The following DNAH7 variants were observed in gnomAD, a reference collection of about 807,000 sequenced individuals.
The protein encoded by DNAH7 is dynein axonemal heavy chain 7.
Under a neutral mutation model 444.6 loss-of-function variants are expected in DNAH7, and 397 were observed. The ratio of observed to expected loss-of-function variants is 0.89; its 90% CI spans 0.82 to 0.97. The LOEUF is 0.97. DNAH7 is among the 50% of genes least tolerant of loss of function. DNAH7 has a pLI of 0.00. For missense variants in DNAH7, 4,902 were observed against 4,800.8 expected (o/e 1.02, Z -0.62); for synonymous variants, 1,636 against 1,624.4 (o/e 1.01, Z -0.17).
intron 54 of DNAH7, among the ~76,000 whole-genome samples, chr2:195,803,446 G>A (rs766402715): frequency 3.9e-5 from 6 of 152,330 alleles, no homozygotes; most frequent in Non-Finnish European, 7.3e-5. Context: ...TCTTAATGTC[G>A]AAGCTGAACA....
At chr2:196,016,871 AAAG>A in intron 9 of DNAH7, among the ~76,000 whole-genome samples, 1 of 152,386 alleles carries the variant, frequency 6.6e-6, no homozygotes, top group Admixed American at 6.5e-5. Context: ...ATTCTGCTGT[AAAG>A]AAGAAATGAG....
Position 195,857,656 on chromosome 2 carries a change from C to T in DNAH7, c.8135G>A (p.Cys2712Tyr), listed in dbSNP as rs1699788065. Residue 2712 changes from cysteine to tyrosine, a missense_variant, in exon 44 of 65, where the codon TGC (cysteine) becomes TAC (tyrosine). By Grantham distance (194) the Cys-to-Tyr change is radical. Coordinates refer to ENST00000312428, the MANE Select transcript of DNAH7 (RefSeq NM_018897.3). ...AGVKLVMEAI[C>Y]ILKGIKADKI... ...GTCAGCTTTGATTCCTTTCAAGATG[C>T]ATATAGCTTCCATAACAAGCTTGAC... is the stretch of plus-strand genomic sequence containing the variant. The T allele has an allele frequency of 6.2e-7, 1 of 1,613,572 alleles. No homozygotes were observed. Among genetic ancestry groups the T allele is most frequent in the African/African-American group, 1.3e-5 (1 of 74,902 alleles).
intron 15 of DNAH7, among the ~76,000 whole-genome samples, chr2:195,980,304 C>T (rs1022542988): frequency 2.6e-5 from 4 of 152,076 alleles, no homozygotes; most frequent in African/African-American, 9.7e-5. Context: ...TCATTCTTTG[C>T]CTTCCTGCTG....
intron 8 of DNAH7, among the ~76,000 whole-genome samples, chr2:196,023,984 G>A (rs1033127559): frequency 1.3e-5 from 2 of 152,196 alleles, no homozygotes; most frequent in Middle Eastern, 3.4e-3. Context: ...TATTGACATC[G>A]TTTGCCATTT....
intron 48 of DNAH7, among the ~76,000 whole-genome samples, chr2:195,828,925 T>C (rs1426559581): frequency 6.6e-6 from 1 of 152,162 alleles, no homozygotes; most frequent in South Asian, 2.1e-4. Flanking sequence ...CTCTTTTGAA[T>C]GTTTTGTGGC....
chr2:195,868,873 G>T (rs924185662), intron 40 of DNAH7, among the ~76,000 whole-genome samples: 2 of 148,820 alleles, frequency 1.3e-5, no homozygotes, highest in African/African-American at 5.0e-5. Flanking sequence ...ATTATATAAG[G>T]TTATCTAGTA....
At chr2:196,066,535 CT>C (rs1698439002) in intron 1 of DNAH7, among the ~76,000 whole-genome samples, 1 of 152,154 alleles carries the variant, frequency 6.6e-6, no homozygotes, top group Non-Finnish European at 1.5e-5. Context: ...GCTTCCTGGT[CT>C]TCGGATATTT....
chr2:195,861,536 T>A (rs569549086), intron 42 of DNAH7, among the ~76,000 whole-genome samples, 181 bp downstream of exon 42: 6 of 152,212 alleles, frequency 3.9e-5, no homozygotes, highest in Non-Finnish European at 7.3e-5. Flanking sequence ...TGTGCCCATA[T>A]GAGAAGGATA....
At chr2:195,936,056 T>G (rs1446208311) in intron 20 of DNAH7, among the ~76,000 whole-genome samples, 4 of 152,156 alleles carry the variant, frequency 2.6e-5, no homozygotes, top group Non-Finnish European at 5.9e-5. Flanking sequence ...AGCTGTGTTC[T>G]GAAAAATCTG....
chr2:195,781,867 G>A (rs1274197150), intron 58 of DNAH7, among the ~76,000 whole-genome samples: 4 of 151,928 alleles, frequency 2.6e-5, no homozygotes, highest in Admixed American at 2.6e-4. Context: ...TTATATATGT[G>A]TATCTATATA....
rs772772072 is a variant in DNAH7, at chr2:195,861,717, CTTCTT to C, written c.7731_7735del (p.Arg2578Ter). 210 of 1,600,136 alleles carry C rather than the reference CTTCTT, an allele frequency of 1.3e-4. 1 individual carries two copies. The East Asian group carries it at 2.0e-3, about 16-fold the overall frequency. ...TAGAAATATGAAATTTGATTTTTAC[CTTCTT>C]TTCTTTTCTAACAACAGTTTGAAGG... On this transcript the variant is annotated frameshift_variant and splice_region_variant, in exon 42 of 65. Transcript: ENST00000312428. LOFTEE classifies it high-confidence loss of function.
chr2:195,881,969 C>A lies in DNAH7; in HGVS notation c.5787G>T (p.Trp1929Cys), dbSNP rs1701410181. The A allele has an allele frequency of 6.2e-7, 1 of 1,613,580 alleles. No individual in the cohort carries two copies. The highest frequency in any genetic ancestry group is 1.1e-5 in the South Asian group (1 of 91,062). The change falls in exon 36 of 65, where the codon TGG (tryptophan) becomes TGT (cysteine). Residue 1929 changes from tryptophan to cysteine, a missense_variant. Physicochemically the swap from Trp to Cys is radical, Grantham distance 215. Coordinates refer to ENST00000312428, the MANE Select transcript of DNAH7 (RefSeq NM_018897.3). Reference protein sequence around the residue: ...VTEGIGKWEPWIKKLKEAPPI... With the variant: ...VTEGIGKWEPCIKKLKEAPPI... ...GAGGAGCTTCTTTCAATTTCTTTATCCATGGTTCCCATTTTCCTATTCCCT... is the reference window on the plus strand; with the variant it reads ...GAGGAGCTTCTTTCAATTTCTTTATACATGGTTCCCATTTTCCTATTCCCT...
At chr2:196,059,390 T>C (rs1407746588) in intron 1 of DNAH7, among the ~76,000 whole-genome samples, 1 of 152,190 alleles carries the variant, frequency 6.6e-6, no homozygotes, top group Non-Finnish European at 1.5e-5. Context: ...ATAATATGAG[T>C]TGTGCTTCTG....
chr2:195,921,981 C>T (rs2125349992), intron 24 of DNAH7, 107 bp downstream of exon 24: 2 of 654,672 alleles, frequency 3.1e-6, no homozygotes, highest in Non-Finnish European at 5.2e-6. Context: ...AAAAATAACA[C>T]AGGCTAAATT....
At chr2:195,741,542 G>T (rs1693033479) in intron 63 of DNAH7, among the ~76,000 whole-genome samples, 1 of 152,218 alleles carries the variant, frequency 6.6e-6, no homozygotes, top group African/African-American at 2.4e-5. Flanking sequence ...GATTGTAACA[G>T]TACAGATGTC....
At chr2:195,903,812 G>A (rs937038740) in intron 27 of DNAH7, 6 of 152,034 alleles carry the variant, frequency 3.9e-5, no homozygotes, top group South Asian at 2.1e-4. Context: ...GGGAGCTGTC[G>A]TTATGCTCTG....
chr2:195,994,664 T>G, intron 12 of DNAH7: 2 of 513,912 alleles, frequency 3.9e-6, no homozygotes, highest in Non-Finnish European at 7.7e-6. Context: ...AGTAAAGTGC[T>G]TCAAGTCTTG....
At chr2:195,789,720 A>G (rs2105978975) in intron 57 of DNAH7, among the ~76,000 whole-genome samples, 1 of 152,294 alleles carries the variant, frequency 6.6e-6, no homozygotes, top group Middle Eastern at 3.4e-3. Context: ...CACCTATGGA[A>G]TATCTTGGCT....
At chr2:195,747,830 A>G (rs1230974312) in intron 63 of DNAH7, among the ~76,000 whole-genome samples, 3 of 152,286 alleles carry the variant, frequency 2.0e-5, no homozygotes, top group East Asian at 3.9e-4. Context: ...TCGATGGGAC[A>G]TATCTCAAAA....
Sources: gnomAD v4.1 joint callset for allele counts (sites outside exome capture counted in the v4.1 genomes callset) on GRCh38, gnomAD v4.1.1 for gene constraint, MANE v1.5 for transcripts, NCBI Gene and HGNC (gene_info 2026-07-23, HGNC 2026-07-21) for gene names.